Variants in DAG1 observed in about 807,000 individuals in gnomAD.
The protein encoded by DAG1 is dystroglycan 1 (dystrophin-associated glycoprotein 1).
DAG1 carries 8 observed loss-of-function variants against 46.1 expected under a neutral mutation model. The ratio of observed to expected loss-of-function variants is 0.17; its 90% CI spans 0.10 to 0.31. The LOEUF (loss-of-function observed/expected upper bound fraction) is 0.31, where lower values mean the gene tolerates loss of function less well. Among genes scored for constraint, DAG1 ranks in the 10% least tolerant of loss-of-function variants. The pLI, the probability that DAG1 is intolerant of heterozygous loss-of-function variation, is 1.00. For synonymous variants in DAG1, 495 were observed against 481.8 expected, an observed-to-expected ratio of 1.03 and a Z score of -0.36; for missense variants, 1,003 against 1,189.9, an observed-to-expected ratio of 0.84 and a Z score of 2.31.
At chr3:49,493,093 G>T (rs2050230723) in intron 1 of DAG1, 1 of 139,060 alleles carries the variant, frequency 7.2e-6, no homozygotes, top group Non-Finnish European at 1.5e-5. Flanking sequence ...CACCCAGGCG[G>T]GAGTGCAGTG....
rs372116229 is a variant in DAG1 at position 49,479,724 on chromosome 3, G to T, written c.-117+9291G>T. 1.5e-4 allele frequency among the ~76,000 whole-genome samples: 19 copies of T among 123,774 alleles called. No individual in the cohort carries two copies. In the East Asian group the frequency reaches 3.2e-3, roughly 21 times the overall value. 81.2% of individuals were successfully genotyped at this position (123,774 alleles called of 152,430 possible). On this transcript the variant is annotated intron_variant, in intron 1 of 2. Transcript: ENST00000308775. ...TCGATCTCTGCTCACTGCAACCTCC[G>T]CCTCCTGGGTTCAATTGATTCTCCT...
At position 49,480,645 on chromosome 3, in the gene DAG1, C is replaced by CT. The variant is rs534669679; in HGVS notation, c.-117+10221dup. 1.0e-4 allele frequency among the ~76,000 whole-genome samples: 14 copies of CT among 139,684 alleles called. 1 individual carries two copies. Among genetic ancestry groups the CT allele is most frequent in the South Asian group, 2.2e-4 (1 of 4,574 alleles). 91.6% of individuals were successfully genotyped at this position (139,684 alleles called of 152,430 possible). A position where few individuals can be genotyped will look rare whatever the true frequency, so the allele number is the denominator to read the frequency against. ...TCCCTAATTCTTAGACAGTTTGGTT[C>CT]TTTTTTTTTGTTTTTCTTCTTATTA... is the stretch of plus-strand genomic sequence containing the variant. On this transcript the variant is annotated intron_variant, in intron 1 of 2. Transcript: ENST00000308775.
intron 1 of DAG1, among the ~76,000 whole-genome samples, chr3:49,486,533 G>T (rs1298345855): frequency 7.3e-5 from 10 of 137,568 alleles, no homozygotes; most frequent in Admixed American, 5.9e-4. Flanking sequence ...TCTTTTTTTT[G>T]AGACAGAGTC....
intron 1 of DAG1, among the ~76,000 whole-genome samples, chr3:49,490,575 A>C (rs551195800): frequency 7.2e-6 from 1 of 138,416 alleles, no homozygotes; most frequent in Admixed American, 7.2e-5. Flanking sequence ...TTATTCTTTT[A>C]TTTTTTTTTT....
chr3:49,496,185 GTATT>G (rs907586917), intron 1 of DAG1, among the ~76,000 whole-genome samples: 3 of 151,898 alleles, frequency 2.0e-5, no homozygotes, highest in Admixed American at 1.3e-4. Flanking sequence ...TAAAGATGGT[GTATT>G]TATTTATTTA....
intron 2 of DAG1, among the ~76,000 whole-genome samples, chr3:49,526,380 A>G (rs1482529868): frequency 6.6e-6 from 1 of 152,228 alleles, no homozygotes; most frequent in African/African-American, 2.4e-5. Context: ...ACATGGGTAA[A>G]CTTTACATGG....
At chr3:49,513,732 G>A (rs963267981) in intron 2 of DAG1, among the ~76,000 whole-genome samples, 1 of 152,166 alleles carries the variant, frequency 6.6e-6, no homozygotes, top group East Asian at 1.9e-4. Flanking sequence ...AGTTCACAGA[G>A]CTCTTCCTAG....
chr3:49,469,214 C>T (rs2049446770), upstream of DAG1, among the ~76,000 whole-genome samples: 1 of 152,178 alleles, frequency 6.6e-6, no homozygotes, highest in South Asian at 2.1e-4. Flanking sequence ...TCAGAATGTG[C>T]TTGCTGTCAA....
At chr3:49,473,550 G>T (rs1354413289) in intron 1 of DAG1, among the ~76,000 whole-genome samples, 1 of 152,068 alleles carries the variant, frequency 6.6e-6, no homozygotes, top group Non-Finnish European at 1.5e-5. Context: ...TCCTTGTGGA[G>T]GCAGTTGAGA....
chr3:49,525,525 G>A (rs1012545666), intron 2 of DAG1, among the ~76,000 whole-genome samples: 2 of 151,820 alleles, frequency 1.3e-5, no homozygotes, highest in African/African-American at 2.4e-5. Flanking sequence ...ACGGCTGGCC[G>A]GAACAGGAGG....
rs919814898 is a variant in DAG1 at position 49,530,922 on chromosome 3, G to T, written c.411G>T (p.Arg137=). The part of the protein sequence containing the change: ...GVHYISVSAT[R]LGANGSHIPQ... The stretch of plus-strand genomic sequence containing the variant: ...ATTACATTTCAGTGAGCGCTACACG[G>T]CTGGGGGCCAACGGGAGCCACATCC... Residue 137 remains arginine (R), a synonymous_variant, in exon 3 of 3, where the codon CGG becomes CGT. Coordinates refer to ENST00000308775, the MANE Select transcript of DAG1 (RefSeq NM_004393.6). 6.2e-7 allele frequency: 1 copy of T among 1,614,126 alleles called. No homozygotes were observed. The highest frequency in any genetic ancestry group is 8.5e-7 in the Non-Finnish European group (1 of 1,180,014).
upstream of DAG1, among the ~76,000 whole-genome samples, chr3:49,469,954 A>G (rs1037730676): frequency 3.9e-5 from 6 of 152,078 alleles, no homozygotes; most frequent in Non-Finnish European, 8.8e-5. Flanking sequence ...GAAGGCTCCG[A>G]GTGACCGGGA....
intron 2 of DAG1, among the ~76,000 whole-genome samples, chr3:49,514,289 TATA>T (rs2050835995): frequency 6.6e-6 from 1 of 152,124 alleles, no homozygotes; most frequent in East Asian, 1.9e-4. Context: ...TTTTTCTTAT[TATA>T]ATAATGATGC....
intron 1 of DAG1, among the ~76,000 whole-genome samples, chr3:49,481,069 G>GT (rs2049866984): frequency 6.8e-6 from 1 of 147,710 alleles, no homozygotes; most frequent in Non-Finnish European, 1.5e-5. Context: ...CCTGCATAAA[G>GT]TTTTTTAAAA....
chr3:49,486,610 C>G (rs901253951), intron 1 of DAG1, among the ~76,000 whole-genome samples: 1 of 152,050 alleles, frequency 6.6e-6, no homozygotes, highest in African/African-American at 2.4e-5. Context: ...TCAAGTGATT[C>G]TCCTAACTCA....
At chr3:49,498,778 A>C (rs1262501260) in intron 1 of DAG1, among the ~76,000 whole-genome samples, 1 of 151,274 alleles carries the variant, frequency 6.6e-6, no homozygotes, top group East Asian at 1.9e-4. Context: ...CAGTGTTGTA[A>C]TCTCACTGCA....
chr3:49,483,524 A>C (rs1333613954), intron 1 of DAG1, among the ~76,000 whole-genome samples: 1 of 152,014 alleles, frequency 6.6e-6, no homozygotes, highest in Non-Finnish European at 1.5e-5. Flanking sequence ...CTCTGTGTCC[A>C]ATCTGCCAGA....
chr3:49,526,952 G>A (rs992119062), intron 2 of DAG1, among the ~76,000 whole-genome samples: 17 of 152,212 alleles, frequency 1.1e-4, no homozygotes, highest in African/African-American at 4.1e-4. Context: ...TGGCTTCGCT[G>A]TGGGAGCCTT....
In DAG1 at chr3:49,475,101, C is replaced by T. The variant is rs551004221; in HGVS notation, c.-117+4668C>T. On this transcript the variant is annotated intron_variant, in intron 1 of 2. Coordinates refer to ENST00000308775, the MANE Select transcript of DAG1 (RefSeq NM_004393.6). ...TGCTGGGATTACAGACGTGAGCCACCGTGCCCGGTTTTTTTTTTTTAAGAT... is the reference window on the plus strand; with the variant it reads ...TGCTGGGATTACAGACGTGAGCCACTGTGCCCGGTTTTTTTTTTTTAAGAT... 1.3e-4 allele frequency among the ~76,000 whole-genome samples: 19 copies of T among 151,644 alleles called. 1 individual carries two copies. In the South Asian group the frequency reaches 2.9e-3, roughly 23 times the overall value.
Sources: allele counts gnomAD v4.1 joint callset (sites outside exome capture counted in the v4.1 genomes callset), GRCh38; gene constraint gnomAD v4.1.1; transcripts MANE v1.5; gene names NCBI Gene and HGNC (gene_info 2026-07-23, HGNC 2026-07-21).